VPS33B: variants seen among roughly 807,000 people sequenced by gnomAD.
The protein encoded by VPS33B is VPS33B late endosome and lysosome associated.
VPS33B carries 80 observed loss-of-function variants against 95.3 expected under a neutral mutation model. The observed-to-expected ratio is 0.84, with a 90% CI of 0.70 to 1.01. The LOEUF is 1.01. VPS33B is among the 50% of genes least tolerant of loss of function. VPS33B has a pLI of 0.00. For missense variants in VPS33B, 715 were observed against 773.4 expected (o/e 0.92, Z 0.90); for synonymous variants, 280 against 280.4 (o/e 1.00, Z 0.01).
At position 91,000,433 on chromosome 15, in the gene VPS33B, C is replaced by T; in HGVS notation, c.1581+57G>A. ...AAAAAACATTGAGACACGCCAGGGA[C>T]CAAGAGAAAGCAGAGAGAATGAAAT... is the stretch of plus-strand genomic sequence containing the variant. On this transcript the variant is annotated intron_variant, in intron 20 of 22. Coordinates refer to ENST00000333371, the MANE Select transcript of VPS33B (RefSeq NM_018668.5). This position sits in a 1 kb window ranked among gnomAD's most constrained non-coding sequence, Gnocchi z 4.9. The T allele has an allele frequency of 6.6e-7, 1 of 1,513,908 alleles. No individual in the cohort carries two copies. Among genetic ancestry groups the T allele is most frequent in the Non-Finnish European group, 9.1e-7 (1 of 1,099,034 alleles). The allele number at this position is 1,513,908 out of a possible 1,614,324, so 93.8% of individuals were successfully genotyped here. A position where few individuals can be genotyped will look rare whatever the true frequency, so the allele number is the denominator to read the frequency against.
In VPS33B at chr15:91,022,522, C is replaced by T. The variant is rs540370303; in HGVS notation, c.-273G>A. On this transcript the variant is annotated 5_prime_UTR_variant, in exon 1 of 23. Transcript: ENST00000333371. ...TCCACTCTGCCCGTCAGCAGGATTC[C>T]GGTCTACACCCCGCAGAGACTCCGC... 5.5e-4 allele frequency: 182 copies of T among 328,242 alleles called. 1 individual carries two copies. Among genetic ancestry groups the T allele is most frequent in the South Asian group, 1.5e-3 (17 of 11,686 alleles). 20.3% of individuals were successfully genotyped at this position (328,242 alleles called of 1,614,324 possible).
In VPS33B at chr15:90,998,747, G is replaced by A. The variant is rs1030328353; in HGVS notation, c.*228C>T. On this transcript the variant is annotated 3_prime_UTR_variant, in exon 23 of 23. Coordinates refer to ENST00000333371, the MANE Select transcript of VPS33B (RefSeq NM_018668.5). The surrounding 1 kb of genome is among the most constrained non-coding windows in gnomAD (Gnocchi z 4.8). ...TAGCAAAGGATGCCTCTTCCTGCTC[G>A]CATCTTAGCAGCATGGGTTGTACTT... 9.9e-6 allele frequency: 6 copies of A among 604,112 alleles called. No individual in the cohort carries two copies. The highest frequency in any genetic ancestry group is 5.4e-5 in the Admixed American group (2 of 37,372). The allele number at this position is 604,112 out of a possible 1,614,324, so 37.4% of individuals were successfully genotyped here.
chr15:91,005,974 T>A lies in VPS33B; in HGVS notation c.938A>T (p.Asp313Val). The change falls in exon 12 of 23, where the codon GAT becomes GTT. Residue 313 changes from aspartate (D) to valine (V), a missense_variant and splice_region_variant. Physicochemically the swap from Asp to Val is radical, Grantham distance 152 (BLOSUM62 -3). Coordinates refer to ENST00000333371, the MANE Select transcript of VPS33B (RefSeq NM_018668.5). This position sits in a 1 kb window ranked among gnomAD's most constrained non-coding sequence, Gnocchi z 6.4. ...QKARNLQAQY[D>V]RRRGMDIKQM... ...GAGGAGCAGGGCTTGGAGCCTCACA[T>A]CATACTGGGCCTGCAAGTTCCGGGC... 2 of 1,614,002 alleles carry A rather than the reference T, an allele frequency of 1.2e-6. No homozygotes were observed. The highest frequency in any genetic ancestry group is 1.7e-6 in the Non-Finnish European group (2 of 1,179,984).
rs571304698 is a variant in VPS33B at position 91,015,633 on chromosome 15, G to A, written c.240-1200C>T. ...AGATCCCGCCACTGCACTCCAACCTGGGTGACAGAGTTAGACTCCTACTCA... is the reference window on the plus strand; with the variant it reads ...AGATCCCGCCACTGCACTCCAACCTAGGTGACAGAGTTAGACTCCTACTCA... On this transcript the variant is annotated intron_variant, in intron 3 of 22. Transcript: ENST00000333371. The surrounding 1 kb of genome is among the most constrained non-coding windows in gnomAD (Gnocchi z 4.7). Among the ~76,000 whole-genome samples, 3 of 152,010 alleles carry A rather than the reference G, an allele frequency of 2.0e-5. No individual in the cohort carries two copies. The highest frequency in any genetic ancestry group is 7.2e-5 in the African/African-American group (3 of 41,506).
chr15:91,003,605 A>G (rs570226602), intron 16 of VPS33B, among the ~76,000 whole-genome samples: 1 of 151,972 alleles, frequency 6.6e-6, no homozygotes, highest in South Asian at 2.1e-4. Flanking sequence ...ACACCTGGCT[A>G]ATTTTTGTAT....
At position 91,016,839 on chromosome 15, in the gene VPS33B, G is replaced by T; in HGVS notation, c.239+124C>A. ...AACAAAACAACAGAAGATTAACCTAGCCATGAAATTGTAAAGTTCAGGGAG... is the reference window on the plus strand; with the variant it reads ...AACAAAACAACAGAAGATTAACCTATCCATGAAATTGTAAAGTTCAGGGAG... On this transcript the variant is annotated intron_variant, in intron 3 of 22. Coordinates refer to ENST00000333371, the MANE Select transcript of VPS33B (RefSeq NM_018668.5). 5.5e-6 allele frequency: 5 copies of T among 914,208 alleles called. No homozygotes were observed. The South Asian group carries it at 6.7e-5, about 12-fold the overall frequency. 56.6% of individuals were successfully genotyped at this position (914,208 alleles called of 1,614,324 possible).
chr15:91,015,323 C>T lies in VPS33B; in HGVS notation c.240-890G>A, dbSNP rs112369229. On this transcript the variant is annotated intron_variant, in intron 3 of 22. Coordinates refer to ENST00000333371, the MANE Select transcript of VPS33B (RefSeq NM_018668.5). This position sits in a 1 kb window ranked among gnomAD's most constrained non-coding sequence, Gnocchi z 4.7. ...TGCTCTCCAGCCTGGATGACAAGAGCTAAACTCCGTCTCAAAAAAAATAAA... is the reference window on the plus strand; with the variant it reads ...TGCTCTCCAGCCTGGATGACAAGAGTTAAACTCCGTCTCAAAAAAAATAAA... 0.061 allele frequency among the ~76,000 whole-genome samples: 9,243 copies of T among 151,628 alleles called. 410 individuals carry two copies. The highest frequency in any genetic ancestry group is 0.11 in the African/African-American group (4,571 of 41,234).
chr15:91,005,175 T>C lies in VPS33B; in HGVS notation c.1106-56A>G. On this transcript the variant is annotated intron_variant, in intron 14 of 22. Transcript: ENST00000333371. The surrounding 1 kb of genome is among the most constrained non-coding windows in gnomAD (Gnocchi z 6.4). Reference sequence around the variant, plus strand: ...GGGGGCCAGCTCAGCTGCTGCCATCTATGCTAACAGGTGTCTGTCTCCCCA... The same window carrying C: ...GGGGGCCAGCTCAGCTGCTGCCATCCATGCTAACAGGTGTCTGTCTCCCCA... 3 of 1,613,960 alleles carry C rather than the reference T, an allele frequency of 1.9e-6. No homozygotes were observed. The highest frequency in any genetic ancestry group is 2.5e-6 in the Non-Finnish European group (3 of 1,180,032).
At position 91,018,221 on chromosome 15, in the gene VPS33B, A is replaced by C. The variant is rs7182400; in HGVS notation, c.97-336T>G. Among the ~76,000 whole-genome samples, 1 of 151,882 alleles carries C rather than the reference A, an allele frequency of 6.6e-6. No individual in the cohort carries two copies. The highest frequency in any genetic ancestry group is 2.4e-5 in the African/African-American group (1 of 41,328). On this transcript the variant is annotated intron_variant, in intron 1 of 22. Transcript: ENST00000333371. This position sits in a 1 kb window ranked among gnomAD's most constrained non-coding sequence, Gnocchi z 4.7. ...GCCTCCTCCACTCTGGCTCCTAACCACCCCTGGTCTCCTGCTGAACAAAGC... is the reference window on the plus strand; with the variant it reads ...GCCTCCTCCACTCTGGCTCCTAACCCCCCCTGGTCTCCTGCTGAACAAAGC...
At position 91,008,266 on chromosome 15, in the gene VPS33B, T is replaced by A. The variant is rs574034411; in HGVS notation, c.404-302A>T. ...CGAGAAAACATTCATTCATTCATTA[T>A]TTATTTATTTATTTAGAGATGGAGT... On this transcript the variant is annotated intron_variant, in intron 6 of 22. Transcript: ENST00000333371. 5.1e-4 allele frequency among the ~76,000 whole-genome samples: 78 copies of A among 152,270 alleles called. No homozygotes were observed. The East Asian group carries it at 6.8e-3, about 13-fold the overall frequency.
chr15:91,008,051 G>GTGCAACAAATATATGAGTGCC, intron 6 of VPS33B, 87 bp from the exon 7 acceptor site: 1 of 1,238,540 alleles, frequency 8.1e-7, no homozygotes, highest in Non-Finnish European at 1.2e-6. Flanking sequence ...ATTTGAGTGC[G>GTGCAACAAATATATGAGTGCC]TGCAACAAAT....
In VPS33B at chr15:91,018,037, C is replaced by A; in HGVS notation, c.97-152G>T. 1 of 715,358 alleles carries A rather than the reference C, an allele frequency of 1.4e-6. No homozygotes were observed. The highest frequency in any genetic ancestry group is 2.5e-6 in the Non-Finnish European group (1 of 399,548). The allele number at this position is 715,358 out of a possible 1,614,324, so 44.3% of individuals were successfully genotyped here. Reference sequence around the variant, plus strand: ...CGTCACCTTATTTATTATCTGTATCCACAGTTGACACTTCTCTGTATATTT... The same window carrying A: ...CGTCACCTTATTTATTATCTGTATCAACAGTTGACACTTCTCTGTATATTT... On this transcript the variant is annotated intron_variant, in intron 1 of 22. Coordinates refer to ENST00000333371, the MANE Select transcript of VPS33B (RefSeq NM_018668.5). This position sits in a 1 kb window ranked among gnomAD's most constrained non-coding sequence, Gnocchi z 4.7.
At position 91,021,707 on chromosome 15, in the gene VPS33B, T is replaced by C. The variant is rs757533668; in HGVS notation, c.96+447A>G. Among the ~76,000 whole-genome samples the C allele has an allele frequency of 6.6e-5, 10 of 152,234 alleles. 1 individual carries two copies. Among genetic ancestry groups the C allele is most frequent in the Non-Finnish European group, 1.0e-4 (7 of 68,048 alleles). On this transcript the variant is annotated intron_variant, in intron 1 of 22. Coordinates refer to ENST00000333371, the MANE Select transcript of VPS33B (RefSeq NM_018668.5). Reference sequence around the variant, plus strand: ...GCATGCTTAGTCTCCAAAGAAAATATGCTTATTACTCACACTCACTTCCTT... The same window carrying C: ...GCATGCTTAGTCTCCAAAGAAAATACGCTTATTACTCACACTCACTTCCTT...
rs1172642881 is a variant in VPS33B, at chr15:91,002,045, C to G, written c.1405+5G>C. ...GAGCAGGGGTCACTTGTGCTCCCTG[C>G]TTACCTGCAGCCTTGTCGGTCACCA... On this transcript the variant is annotated splice_donor_5th_base_variant and intron_variant, in intron 18 of 22. Transcript: ENST00000333371. This position sits in a 1 kb window ranked among gnomAD's most constrained non-coding sequence, Gnocchi z 4.7. 6.2e-7 allele frequency: 1 copy of G among 1,613,774 alleles called. No individual in the cohort carries two copies. The highest frequency in any genetic ancestry group is 2.2e-5 in the East Asian group (1 of 44,878).
chr15:91,008,722 C>T (rs2151673228), intron 6 of VPS33B, among the ~76,000 whole-genome samples: 1 of 152,282 alleles, frequency 6.6e-6, no homozygotes, highest in South Asian at 2.1e-4. Context: ...ATGACACAAA[C>T]TATTAAATCA....
intron 18 of VPS33B, 110 bp downstream of exon 18, chr15:91,001,940 G>A: frequency 6.4e-7 from 1 of 1,559,298 alleles, no homozygotes; most frequent in Non-Finnish European, 8.8e-7. Flanking sequence ...ACATTAATAG[G>A]AAGGAATCAG....
At position 91,002,647 on chromosome 15, in the gene VPS33B, A is replaced by G. The variant is rs1341040090; in HGVS notation, c.1272+438T>C. 1.3e-5 allele frequency among the ~76,000 whole-genome samples: 2 copies of G among 151,644 alleles called. No homozygotes were observed. Among genetic ancestry groups the G allele is most frequent in the African/African-American group, 2.4e-5 (1 of 41,190 alleles). On this transcript the variant is annotated intron_variant, in intron 17 of 22. Coordinates refer to ENST00000333371, the MANE Select transcript of VPS33B (RefSeq NM_018668.5). This position sits in a 1 kb window ranked among gnomAD's most constrained non-coding sequence, Gnocchi z 4.7. Reference sequence around the variant, plus strand: ...ATCGTCTCGAAATAAAAAAAAAAAAAAAAAGAAAAGAAATAATTAGCACCA... The same window carrying G: ...ATCGTCTCGAAATAAAAAAAAAAAAGAAAAGAAAAGAAATAATTAGCACCA...
rs746019764 is a variant in VPS33B at position 91,017,868 on chromosome 15, A to G, written c.114T>C (p.Asp38=). 1 of 1,613,980 alleles carries G rather than the reference A, an allele frequency of 6.2e-7. No homozygotes were observed. The highest frequency in any genetic ancestry group is 8.5e-7 in the Non-Finnish European group (1 of 1,179,980). The change falls in exon 2 of 23, where the codon GAT becomes GAC. Residue 38 remains aspartate (D), a synonymous_variant. Coordinates refer to ENST00000333371, the MANE Select transcript of VPS33B (RefSeq NM_018668.5). Reference sequence around the variant, plus strand: ...TCATGAGATCTGCCTCAATGAATAAATCCTTTTTTCCAGGAAGCTGAAGGA... The same window carrying G: ...TCATGAGATCTGCCTCAATGAATAAGTCCTTTTTTCCAGGAAGCTGAAGGA... The part of the protein sequence containing the change: ...YLLEQLPGKK[D]LFIEADLMSP...
At position 91,000,757 on chromosome 15, in the gene VPS33B, T is replaced by C; in HGVS notation, c.1480-166A>G. ...CCATAACGGAAGATGGCAGTTTTTG[T>C]TCAGTAACTGCCAGTTCTCTGGAAT... On this transcript the variant is annotated intron_variant, in intron 19 of 22. Coordinates refer to ENST00000333371, the MANE Select transcript of VPS33B (RefSeq NM_018668.5). The surrounding 1 kb of genome is among the most constrained non-coding windows in gnomAD (Gnocchi z 4.9). 6.3e-6 allele frequency: 4 copies of C among 630,918 alleles called. No individual in the cohort carries two copies. In the South Asian group the frequency reaches 6.4e-5, roughly 10 times the overall value. 39.1% of individuals were successfully genotyped at this position (630,918 alleles called of 1,614,324 possible).
Sources: gnomAD v4.1 joint callset for allele counts (sites outside exome capture counted in the v4.1 genomes callset) on GRCh38, gnomAD v4.1.1 for gene constraint, Gnocchi (gnomAD v3.1) non-coding constraint, MANE v1.5 for transcripts, NCBI Gene and HGNC (gene_info 2026-07-23, HGNC 2026-07-21) for gene names.